The following PDE1A variants were observed in gnomAD, a reference collection of about 807,000 sequenced individuals.
The protein encoded by PDE1A is phosphodiesterase 1A, also known as dual specificity calcium/calmodulin-dependent 3',5'-cyclic nucleotide phosphodiesterase 1A.
Under a neutral mutation model 61.7 loss-of-function variants are expected in PDE1A, and 35 were observed. The ratio of observed to expected loss-of-function variants is 0.57; its 90% CI spans 0.43 to 0.75. The LOEUF is 0.75. Ranked by LOEUF, PDE1A falls within the 30% of genes least tolerant of loss-of-function variation. PDE1A has a pLI of 0.00. For synonymous variants in PDE1A, 232 were observed against 213.2 expected (o/e 1.09, Z -0.77); for missense variants, 597 against 630.6 (o/e 0.95, Z 0.57).
chr2:182,461,626 C>T (rs538159536), intron 2 of PDE1A, among the ~76,000 whole-genome samples: 49 of 152,264 alleles, frequency 3.2e-4, no homozygotes, highest in Non-Finnish European at 4.9e-4. Context: ...CCTGTAACAG[C>T]GTCCTGTATG....
chr2:182,525,498 G>A (rs1246581263), upstream of PDE1A, among the ~76,000 whole-genome samples: 2 of 152,144 alleles, frequency 1.3e-5, no homozygotes, highest in South Asian at 4.1e-4. Flanking sequence ...CAGTTCTAGA[G>A]GTGGGGCCTG....
intron 3 of PDE1A, among the ~76,000 whole-genome samples, chr2:182,237,598 A>G (rs1011034298): frequency 6.6e-6 from 1 of 152,256 alleles, no homozygotes; most frequent in Admixed American, 6.5e-5. Flanking sequence ...CACAGGGCTT[A>G]TTCCAGTGGT....
At chr2:182,160,725 C>A (rs1364728866) in intron 13 of PDE1A, among the ~76,000 whole-genome samples, 1 of 152,096 alleles carries the variant, frequency 6.6e-6, no homozygotes, top group Non-Finnish European at 1.5e-5. Context: ...GATGGCCTAT[C>A]GTGGTGAGAC....
intron 1 of PDE1A, among the ~76,000 whole-genome samples, chr2:182,299,109 C>T (rs1037151762): frequency 6.6e-6 from 1 of 151,836 alleles, no homozygotes; most frequent in Non-Finnish European, 1.5e-5. Flanking sequence ...GCCGAAATAC[C>T]AGGGTCTCTG....
At chr2:182,644,928 G>A in the PDE1A span, among the ~76,000 whole-genome samples, 1 of 151,018 alleles carries the variant, frequency 6.6e-6, no homozygotes, top group African/African-American at 2.4e-5. Context: ...GAAAAGTATA[G>A]TAATTTAAAA....
the PDE1A span, among the ~76,000 whole-genome samples, chr2:182,573,260 A>G: frequency 5.3e-5 from 8 of 152,194 alleles, no homozygotes; most frequent in Non-Finnish European, 8.8e-5. Flanking sequence ...TGTTGGGTGT[A>G]AAATATAAAG....
At chr2:182,371,584 T>C (rs528537363) in intron 1 of PDE1A, among the ~76,000 whole-genome samples, 43 of 152,196 alleles carry the variant, frequency 2.8e-4, no homozygotes, top group Non-Finnish European at 5.4e-4. Context: ...TTTAAAGTTT[T>C]TCCCTAACAA....
chr2:182,347,609 T>C (rs2125079458), intron 1 of PDE1A, among the ~76,000 whole-genome samples: 1 of 152,256 alleles, frequency 6.6e-6, no homozygotes, highest in South Asian at 2.1e-4. Flanking sequence ...TGTCCACGTA[T>C]TGAAACTCTC....
chr2:182,377,666 G>T (rs1700490478), intron 1 of PDE1A, among the ~76,000 whole-genome samples: 1 of 152,060 alleles, frequency 6.6e-6, no homozygotes, highest in Non-Finnish European at 1.5e-5. Flanking sequence ...TTATGACCCA[G>T]CAGTTCCACT....
chr2:182,453,658 G>T (rs1462850074), intron 2 of PDE1A, among the ~76,000 whole-genome samples: 1 of 152,106 alleles, frequency 6.6e-6, no homozygotes, highest in East Asian at 1.9e-4. Context: ...CAGAACCAAA[G>T]ACAAAAACCA....
the PDE1A span, among the ~76,000 whole-genome samples, chr2:182,647,816 A>G: frequency 3.9e-5 from 6 of 152,332 alleles, no homozygotes; most frequent in Admixed American, 6.5e-5. Flanking sequence ...AACCCAAATT[A>G]CACAGTGAGC....
chr2:182,425,282 T>C (rs1703542339), intron 1 of PDE1A, among the ~76,000 whole-genome samples: 1 of 152,192 alleles, frequency 6.6e-6, no homozygotes, highest in Non-Finnish European at 1.5e-5. Flanking sequence ...GCAACTATCA[T>C]ACCTTTTTGA....
the PDE1A span, among the ~76,000 whole-genome samples, chr2:182,658,064 A>AAC: frequency 3.8e-5 from 4 of 106,518 alleles, no homozygotes; most frequent in African/African-American, 9.7e-5. Flanking sequence ...AAAAAAAAAA[A>AAC]AAAAAAAACA....
the PDE1A span, among the ~76,000 whole-genome samples, chr2:182,535,269 A>C: frequency 6.6e-6 from 1 of 152,034 alleles, no homozygotes; most frequent in African/African-American, 2.4e-5. Context: ...TTAATATTAC[A>C]TTCATTTTAT....
At position 182,184,216 on chromosome 2, in the gene PDE1A, T is replaced by A. The variant is rs564710921; in HGVS notation, c.1516+1676A>T. 6.6e-5 allele frequency among the ~76,000 whole-genome samples: 10 copies of A among 151,582 alleles called. No individual in the cohort carries two copies. In the South Asian group the frequency reaches 1.9e-3, roughly 28 times the overall value. On this transcript the variant is annotated intron_variant, in intron 13 of 13. Transcript: ENST00000351439. The stretch of plus-strand genomic sequence containing the variant: ...AGCTTTCTAAATTTGAAGCAAATTA[T>A]TAATTTGTGGATTTAAGAAGCTAGT...
chr2:182,608,616 T>C, the PDE1A span, among the ~76,000 whole-genome samples: 1 of 152,188 alleles, frequency 6.6e-6, no homozygotes, highest in South Asian at 2.1e-4. Context: ...GCTCGATTTC[T>C]CGCCGGGCCT....
the PDE1A span, among the ~76,000 whole-genome samples, chr2:182,569,492 C>G: frequency 3.0e-4 from 46 of 152,120 alleles, no homozygotes; most frequent in East Asian, 8.5e-3. Context: ...GCTCATTGAG[C>G]TCCTTGGGCG....
chr2:182,276,040 C>A (rs1190838514), intron 1 of PDE1A, among the ~76,000 whole-genome samples: 1 of 152,058 alleles, frequency 6.6e-6, no homozygotes, highest in African/African-American at 2.4e-5. Context: ...AAGGAGGAAT[C>A]TAAGAGATAT....
the PDE1A span, among the ~76,000 whole-genome samples, chr2:182,634,103 A>T: frequency 6.6e-6 from 1 of 152,090 alleles, no homozygotes; most frequent in African/African-American, 2.4e-5. Flanking sequence ...AAACAAGAAA[A>T]AAAAAAAGAT....
Sources: allele counts gnomAD v4.1 joint callset (sites outside exome capture counted in the v4.1 genomes callset), GRCh38; gene constraint gnomAD v4.1.1; transcripts MANE v1.5; gene names NCBI Gene and HGNC (gene_info 2026-07-23, HGNC 2026-07-21).